Variants in ASAP2 observed in about 807,000 individuals in gnomAD.
ASAP2 encodes arf-GAP with SH3 domain, ANK repeat and PH domain-containing protein 2.
In ASAP2, 45 loss-of-function variants were observed where a neutral mutation model predicts 131.4. The observed-to-expected ratio is 0.34, with a 90% CI of 0.27 to 0.44. The LOEUF is 0.44. ASAP2 is among the 20% of genes least tolerant of loss of function. The pLI is 1.00. For missense variants in ASAP2, 1,011 were observed against 1,297.0 expected, an observed-to-expected ratio of 0.78 and a Z score of 3.39; for synonymous variants, 510 against 503.0, an observed-to-expected ratio of 1.01 and a Z score of -0.19.
chr2:9,240,260 T>A (rs1273850573), intron 1 of ASAP2, among the ~76,000 whole-genome samples: 1 of 150,058 alleles, frequency 6.7e-6, no homozygotes, highest in African/African-American at 2.5e-5. Context: ...TTTTTTTTTT[T>A]TTTTTTTATT....
chr2:9,220,260 TAAAC>T (rs1454237671), intron 1 of ASAP2, among the ~76,000 whole-genome samples: 7 of 152,220 alleles, frequency 4.6e-5, no homozygotes, highest in African/African-American at 1.7e-4. Context: ...TTTTTAAACT[TAAAC>T]TTTTTAAAGT....
rs1056207101 is a variant in ASAP2 at position 9,268,058 on chromosome 2, G to A, written c.127-11259G>A. Among the ~76,000 whole-genome samples the A allele has an allele frequency of 2.0e-5, 3 of 152,158 alleles. No homozygotes were observed. Among genetic ancestry groups the A allele is most frequent in the Non-Finnish European group, 2.9e-5 (2 of 68,034 alleles). ...CCTCAGTTTGTAGTTTGCCAACAAGGTGTATATCCCTAAACATAAACAATT... is the reference window on the plus strand; with the variant it reads ...CCTCAGTTTGTAGTTTGCCAACAAGATGTATATCCCTAAACATAAACAATT... On this transcript the variant is annotated intron_variant, in intron 1 of 27. Transcript: ENST00000281419. The surrounding 1 kb of genome is among the most constrained non-coding windows in gnomAD (Gnocchi z 4.1).
chr2:9,224,612 A>G (rs1411674633), intron 1 of ASAP2, among the ~76,000 whole-genome samples: 2 of 152,232 alleles, frequency 1.3e-5, no homozygotes, highest in African/African-American at 4.8e-5. Flanking sequence ...TCTATAAACC[A>G]TCCCAATTAA....
intron 2 of ASAP2, among the ~76,000 whole-genome samples, chr2:9,295,045 T>G (rs1351404197): frequency 6.6e-6 from 1 of 152,236 alleles, no homozygotes; most frequent in African/African-American, 2.4e-5. Flanking sequence ...GTATGTGGTT[T>G]GAAAGGACCT....
intron 7 of ASAP2, among the ~76,000 whole-genome samples, chr2:9,331,182 G>A (rs992333521): frequency 2.6e-5 from 4 of 152,366 alleles, no homozygotes; most frequent in East Asian, 1.9e-4. Flanking sequence ...GCTGTGCTCC[G>A]CCAGGGTGAA....
chr2:9,370,550 A>T (rs1673867030), intron 16 of ASAP2, among the ~76,000 whole-genome samples: 1 of 152,202 alleles, frequency 6.6e-6, no homozygotes, highest in Non-Finnish European at 1.5e-5. Context: ...GCCATGGGAC[A>T]CCGGCAGATT....
At chr2:9,402,004 G>A (rs545652732) in intron 27 of ASAP2, among the ~76,000 whole-genome samples, 1 of 152,228 alleles carries the variant, frequency 6.6e-6, no homozygotes, top group Non-Finnish European at 1.5e-5. Context: ...AGTGAGGGCG[G>A]TGGATGAACC....
At chr2:9,354,782 C>T (rs1672587123) in intron 12 of ASAP2, among the ~76,000 whole-genome samples, 1 of 152,188 alleles carries the variant, frequency 6.6e-6, no homozygotes, top group Admixed American at 6.5e-5. Flanking sequence ...TCAGCCCTCA[C>T]CCAGTCACTT....
At chr2:9,307,843 T>G (rs1401441174) in intron 3 of ASAP2, among the ~76,000 whole-genome samples, 1 of 152,244 alleles carries the variant, frequency 6.6e-6, no homozygotes, top group Non-Finnish European at 1.5e-5. Context: ...CTTCTCCTTT[T>G]TAATTAAACA....
chr2:9,332,612 G>A (rs955510895), intron 7 of ASAP2, among the ~76,000 whole-genome samples: 3 of 152,194 alleles, frequency 2.0e-5, no homozygotes, highest in African/African-American at 4.8e-5. Flanking sequence ...TCTCACTCTC[G>A]CTCTCTGTCT....
intron 9 of ASAP2, among the ~76,000 whole-genome samples, chr2:9,340,540 T>C (rs937512350): frequency 6.6e-6 from 1 of 152,218 alleles, no homozygotes; most frequent in African/African-American, 2.4e-5. Flanking sequence ...TCAGCAAGGC[T>C]TCCAGCTCCC....
intron 2 of ASAP2, among the ~76,000 whole-genome samples, chr2:9,295,146 TAA>T (rs1208427872): frequency 6.6e-6 from 1 of 152,236 alleles, no homozygotes; most frequent in East Asian, 1.9e-4. Context: ...TTTAAAAATC[TAA>T]AAATTAGATA....
chr2:9,237,188 G>A (rs1663613900), intron 1 of ASAP2, among the ~76,000 whole-genome samples: 1 of 151,802 alleles, frequency 6.6e-6, no homozygotes, highest in South Asian at 2.1e-4. Flanking sequence ...AAAAAAAAAA[G>A]CCCTGTTTTG....
At chr2:9,388,193 C>A in intron 21 of ASAP2, 101 bp from the exon 22 acceptor site, 1 of 1,466,496 alleles carries the variant, frequency 6.8e-7, no homozygotes, top group Non-Finnish European at 9.3e-7. Context: ...CCAGGCCCAG[C>A]AGAGTTGGTG....
chr2:9,349,228 A>G (rs939994941), intron 11 of ASAP2, among the ~76,000 whole-genome samples: 1 of 152,210 alleles, frequency 6.6e-6, no homozygotes, highest in Admixed American at 6.5e-5. Context: ...TTCTGTATTT[A>G]TCAAAGCACA....
chr2:9,213,238 T>G (rs1661733522), intron 1 of ASAP2, among the ~76,000 whole-genome samples: 1 of 151,778 alleles, frequency 6.6e-6, no homozygotes, highest in Non-Finnish European at 1.5e-5. Flanking sequence ...ACAGAAGATG[T>G]GGGAATAGAA....
chr2:9,367,027 ATTTTTTT>A (rs1171661319), intron 15 of ASAP2, among the ~76,000 whole-genome samples: 5 of 132,946 alleles, frequency 3.8e-5, no homozygotes, highest in Non-Finnish European at 7.8e-5. Flanking sequence ...TGCCTGCATA[ATTTTTTT>A]TTTTTTTTTT....
At chr2:9,390,930 C>G in intron 22 of ASAP2, 132 bp from the exon 23 acceptor site, 1 of 1,357,982 alleles carries the variant, frequency 7.4e-7, no homozygotes, top group Non-Finnish European at 1.0e-6. Flanking sequence ...ATTGAGGGTT[C>G]TAGGTAGAAG....
Position 9,323,259 on chromosome 2 carries a change from G to A in ASAP2, c.600+9G>A. The A allele has an allele frequency of 6.2e-7, 1 of 1,614,092 alleles. No homozygotes were observed. The highest frequency in any genetic ancestry group is 1.1e-5 in the South Asian group (1 of 91,074). Reference sequence around the variant, plus strand: ...AGCTACAGATGTGCGAGGTAAGGCGGTGGTGAAGGCAGGTCCTACAGCCCA... The same window carrying A: ...AGCTACAGATGTGCGAGGTAAGGCGATGGTGAAGGCAGGTCCTACAGCCCA... On this transcript the variant is annotated intron_variant, in intron 6 of 27. Coordinates refer to ENST00000281419, the MANE Select transcript of ASAP2 (RefSeq NM_003887.3).
Sources: gnomAD v4.1 joint callset for allele counts (sites outside exome capture counted in the v4.1 genomes callset) on GRCh38, gnomAD v4.1.1 for gene constraint, Gnocchi (gnomAD v3.1) non-coding constraint, MANE v1.5 for transcripts, NCBI Gene and HGNC (gene_info 2026-07-23, HGNC 2026-07-21) for gene names.